NXPH2: variants seen among roughly 807,000 people sequenced by gnomAD.
NXPH2 encodes neurexophilin-2.
In NXPH2, 5 loss-of-function variants were observed where a neutral mutation model predicts 19.8. The observed-to-expected ratio is 0.25, with a 90% CI of 0.13 to 0.53. NXPH2 has a LOEUF of 0.53. Ranked by LOEUF, NXPH2 falls within the 20% of genes least tolerant of loss-of-function variation. The probability of loss-of-function intolerance (pLI) is 0.96; values close to 1 mark genes in which losing one functional copy is unlikely to be tolerated. For synonymous variants in NXPH2, 154 were observed against 127.4 expected (o/e 1.21, Z -1.41); for missense variants, 289 against 322.8 (o/e 0.90, Z 0.80).
At chr2:138,741,739 T>A (rs141102590) in intron 1 of NXPH2, among the ~76,000 whole-genome samples, 6 of 152,326 alleles carry the variant, frequency 3.9e-5, no homozygotes, top group African/African-American at 1.4e-4. Flanking sequence ...TTACAACTAA[T>A]CCTATTCTGG....
chr2:138,720,340 A>G (rs2104993229), intron 1 of NXPH2, among the ~76,000 whole-genome samples: 1 of 152,340 alleles, frequency 6.6e-6, no homozygotes, highest in Non-Finnish European at 1.5e-5. Context: ...GCCATGACGA[A>G]ACATGAGTAT....
At chr2:138,672,378 G>C (rs1244032833) in intron 1 of NXPH2, among the ~76,000 whole-genome samples, 1 of 152,130 alleles carries the variant, frequency 6.6e-6, no homozygotes, top group Non-Finnish European at 1.5e-5. Context: ...TAAAATAATT[G>C]CTAAGAAACT....
chr2:138,751,692 A>G (rs1473941236), intron 1 of NXPH2, among the ~76,000 whole-genome samples: 1 of 152,186 alleles, frequency 6.6e-6, no homozygotes, highest in African/African-American at 2.4e-5. Flanking sequence ...CAGATAAAAT[A>G]GTGTCAGCTT....
At chr2:138,680,556 A>G (rs990404559) in intron 1 of NXPH2, among the ~76,000 whole-genome samples, 2 of 152,178 alleles carry the variant, frequency 1.3e-5, no homozygotes, top group African/African-American at 4.8e-5. Flanking sequence ...GGGTGAAGCA[A>G]TTCACCTAGT....
chr2:138,683,825 T>A (rs866498957), intron 1 of NXPH2, among the ~76,000 whole-genome samples: 1 of 152,228 alleles, frequency 6.6e-6, no homozygotes, highest in Admixed American at 6.5e-5. Flanking sequence ...TTTGTTAATT[T>A]AAAATAAATT....
intron 1 of NXPH2, among the ~76,000 whole-genome samples, chr2:138,719,159 T>C (rs1050674736): frequency 1.3e-5 from 2 of 152,168 alleles, no homozygotes. Context: ...TAGAGCTATA[T>C]AATGGAATAC....
intron 1 of NXPH2, among the ~76,000 whole-genome samples, chr2:138,729,522 A>C (rs1681412157): frequency 6.6e-6 from 1 of 152,204 alleles, no homozygotes; most frequent in Non-Finnish European, 1.5e-5. Flanking sequence ...GGACTAATAC[A>C]GTGCCTTTAA....
At chr2:138,748,760 G>A (rs894828769) in intron 1 of NXPH2, among the ~76,000 whole-genome samples, 1 of 151,982 alleles carries the variant, frequency 6.6e-6, no homozygotes, top group Admixed American at 6.6e-5. Flanking sequence ...AATCAAAGAT[G>A]GCACATTATT....
chr2:138,691,669 G>C (rs1266808815), intron 1 of NXPH2, among the ~76,000 whole-genome samples: 1 of 152,168 alleles, frequency 6.6e-6, no homozygotes, highest in Non-Finnish European at 1.5e-5. Flanking sequence ...GGTAAGAAGT[G>C]TAATCACTTT....
chr2:138,740,309 C>T (rs1010893955), intron 1 of NXPH2, among the ~76,000 whole-genome samples: 39 of 152,178 alleles, frequency 2.6e-4, no homozygotes, highest in African/African-American at 8.9e-4. Flanking sequence ...AGTAAAGTAT[C>T]ATTTTTCAAC....
chr2:138,752,172 C>A (rs6733884), intron 1 of NXPH2, among the ~76,000 whole-genome samples: 22,551 of 151,996 alleles, frequency 0.15, 1,988 homozygotes, highest in East Asian at 0.46. Context: ...ACACTCAAAT[C>A]TTATTTACTA....
chr2:138,750,481 T>G (rs1045073278), intron 1 of NXPH2, among the ~76,000 whole-genome samples: 1 of 152,138 alleles, frequency 6.6e-6, no homozygotes, highest in Non-Finnish European at 1.5e-5. Context: ...ATAGCCAAAT[T>G]GTAGAGTTAT....
intron 1 of NXPH2, among the ~76,000 whole-genome samples, chr2:138,776,094 A>G (rs1682258069): frequency 6.6e-6 from 1 of 152,084 alleles, no homozygotes; most frequent in Admixed American, 6.5e-5. Flanking sequence ...TTTGATTGCT[A>G]CCACTAAACG....
At chr2:138,775,826 A>G (rs1042752406) in intron 1 of NXPH2, among the ~76,000 whole-genome samples, 1 of 152,152 alleles carries the variant, frequency 6.6e-6, no homozygotes, top group Non-Finnish European at 1.5e-5. Flanking sequence ...GCCGTTTTGA[A>G]ATAATTTACT....
intron 1 of NXPH2, among the ~76,000 whole-genome samples, chr2:138,720,474 G>A (rs1681261844): frequency 6.6e-6 from 1 of 152,230 alleles, no homozygotes; most frequent in African/African-American, 2.4e-5. Flanking sequence ...GTAGTCAAGA[G>A]TGAGGGCTGA....
intron 1 of NXPH2, among the ~76,000 whole-genome samples, chr2:138,689,633 G>A (rs17598130): frequency 0.021 from 3,181 of 152,224 alleles, 50 homozygotes; most frequent in Non-Finnish European, 0.033. Context: ...GACCTAAATC[G>A]CATAGGAAAA....
rs1052960657 is a variant in NXPH2 at position 138,738,998 on chromosome 2, A to G, written c.51+41193T>C. 2.6e-5 allele frequency among the ~76,000 whole-genome samples: 4 copies of G among 152,192 alleles called. No homozygotes were observed. The South Asian group carries it at 8.3e-4, about 32-fold the overall frequency. On this transcript the variant is annotated intron_variant, in intron 1 of 1. Transcript: ENST00000272641. ...CTCCAATAATTAACGAAGTCCTGGG[A>G]AACAGAGTTATTTTTTTTTGAGAGG...
intron 1 of NXPH2, among the ~76,000 whole-genome samples, chr2:138,708,651 C>G (rs1321553536): frequency 6.6e-6 from 1 of 152,130 alleles, no homozygotes; most frequent in East Asian, 1.9e-4. Flanking sequence ...ATAGGCCAAG[C>G]TAATGTGAGG....
chr2:138,718,666 T>C (rs1355599903), intron 1 of NXPH2, among the ~76,000 whole-genome samples: 1 of 152,226 alleles, frequency 6.6e-6, no homozygotes, highest in Non-Finnish European at 1.5e-5. Context: ...TGGACCTTGA[T>C]GCCTGGGGCA....
Sources: gnomAD v4.1 joint callset for allele counts (sites outside exome capture counted in the v4.1 genomes callset) on GRCh38, gnomAD v4.1.1 for gene constraint, MANE v1.5 for transcripts, NCBI Gene and HGNC (gene_info 2026-07-23, HGNC 2026-07-21) for gene names.